The following CORIN variants were observed in gnomAD, a reference collection of about 807,000 sequenced individuals.
CORIN encodes the protein corin, serine peptidase.
A neutral mutation model predicts 125.3 loss-of-function variants in CORIN; 117 were observed. The observed-to-expected ratio is 0.93, with a 90% CI of 0.80 to 1.09. The LOEUF (loss-of-function observed/expected upper bound fraction) is 1.09, where lower values mean the gene tolerates loss of function less well. Ranked by LOEUF, CORIN falls within the 50% of genes least tolerant of loss-of-function variation. CORIN has a pLI of 0.00. For missense variants in CORIN, 1,253 were observed against 1,306.7 expected (o/e 0.96, Z 0.63); for synonymous variants, 450 against 466.4 (o/e 0.96, Z 0.45).
intron 13 of CORIN, among the ~76,000 whole-genome samples, chr4:47,647,169 G>A (rs868235098): frequency 1.1e-4 from 16 of 152,218 alleles, no homozygotes; most frequent in Middle Eastern, 3.4e-3. Flanking sequence ...GACAATAAGA[G>A]TCTCTTGAGA....
intron 10 of CORIN, among the ~76,000 whole-genome samples, chr4:47,670,608 G>A (rs1724706377): frequency 6.6e-6 from 1 of 152,226 alleles, no homozygotes; most frequent in South Asian, 2.1e-4. Flanking sequence ...CGAACACTGT[G>A]GGAGGCTTGA....
At chr4:47,628,437 C>CGTGTGTGTGTGTGT (rs35452886) in intron 16 of CORIN, among the ~76,000 whole-genome samples, 1 of 147,388 alleles carries the variant, frequency 6.8e-6, no homozygotes, top group Non-Finnish European at 1.5e-5. Context: ...CACATAGTTA[C>CGTGTGTGTGTGTGT]GTGTGTGTGT....
At chr4:47,764,700 A>G (rs1230482899) in intron 3 of CORIN, among the ~76,000 whole-genome samples, 1 of 152,194 alleles carries the variant, frequency 6.6e-6, no homozygotes, top group African/African-American at 2.4e-5. Context: ...CATTACTTAG[A>G]GCTAATGTAG....
intron 1 of CORIN, among the ~76,000 whole-genome samples, chr4:47,835,965 A>C (rs1362684377): frequency 6.6e-6 from 1 of 152,210 alleles, no homozygotes; most frequent in Admixed American, 6.5e-5. Flanking sequence ...TGGTCCTGTA[A>C]GCCTACCCTG....
At chr4:47,672,067 T>C (rs927125540) in intron 10 of CORIN, among the ~76,000 whole-genome samples, 3 of 152,190 alleles carry the variant, frequency 2.0e-5, no homozygotes. Flanking sequence ...ACTGAGTGTA[T>C]TTAAAGAGCT....
chr4:47,772,363 A>G (rs1730086460), intron 3 of CORIN, among the ~76,000 whole-genome samples: 2 of 152,176 alleles, frequency 1.3e-5, no homozygotes, highest in Admixed American at 6.5e-5. Context: ...AAGGTAGCGG[A>G]TTTCTTTGTA....
chr4:47,678,088 A>G, intron 8 of CORIN, 34 bp from the exon 9 acceptor site: 1 of 1,426,222 alleles, frequency 7.0e-7, no homozygotes. Flanking sequence ...CACTTTATTT[A>G]TTAATTCTTC....
intron 5 of CORIN, among the ~76,000 whole-genome samples, chr4:47,731,457 G>A (rs1057251585): frequency 1.3e-5 from 2 of 152,186 alleles, no homozygotes; most frequent in Non-Finnish European, 2.9e-5. Context: ...AGGCACTCCA[G>A]TGTCTACAGG....
At position 47,763,463 on chromosome 4, in the gene CORIN, A is replaced by G; in HGVS notation, c.533T>C (p.Leu178Pro). 1.2e-6 allele frequency: 2 copies of G among 1,614,136 alleles called. No individual in the cohort carries two copies. Among genetic ancestry groups the G allele is most frequent in the Non-Finnish European group, 1.7e-6 (2 of 1,180,004 alleles). The change falls in exon 4 of 22, where the codon CTC (leucine) becomes CCC (proline). Residue 178 changes from leucine (L) to proline (P), a missense_variant. By Grantham distance (98) the Leu-to-Pro change is moderately conservative (BLOSUM62 -3). Coordinates refer to ENST00000273857, the MANE Select transcript of CORIN (RefSeq NM_006587.4). ...MEKFLKFFTY[L>P]HRLSCYQHIM... ...ATGTTGATAGCAACTGAGGCGATGG[A>G]GATATGTGAAAAACTTGAGGAACTT...
chr4:47,762,741 G>A (rs1729526531), intron 4 of CORIN, among the ~76,000 whole-genome samples: 1 of 152,162 alleles, frequency 6.6e-6, no homozygotes, highest in Non-Finnish European at 1.5e-5. Flanking sequence ...ATGCACCCTT[G>A]TCCTCTGGTT....
chr4:47,823,620 A>G (rs900367700), intron 1 of CORIN, among the ~76,000 whole-genome samples: 2 of 152,200 alleles, frequency 1.3e-5, no homozygotes, highest in South Asian at 4.1e-4. Flanking sequence ...ATTTATACAC[A>G]TATCTCCAGT....
intron 19 of CORIN, among the ~76,000 whole-genome samples, chr4:47,620,931 T>A (rs1294880055): frequency 1.3e-5 from 2 of 152,132 alleles, no homozygotes; most frequent in East Asian, 1.9e-4. Context: ...AGGCAAAAAA[T>A]GAAATTGCAT....
intron 19 of CORIN, among the ~76,000 whole-genome samples, chr4:47,607,365 G>A (rs1006827678): frequency 2.0e-5 from 3 of 151,186 alleles, no homozygotes; most frequent in Non-Finnish European, 4.4e-5. Flanking sequence ...CCCAGATCGC[G>A]CCACTGCACT....
intron 19 of CORIN, among the ~76,000 whole-genome samples, chr4:47,605,355 C>T (rs1184386748): frequency 6.6e-6 from 1 of 152,072 alleles, no homozygotes; most frequent in East Asian, 1.9e-4. Flanking sequence ...ACAGTAGGTC[C>T]TCAACAAGTA....
At chr4:47,714,383 A>C (rs1036530523) in intron 5 of CORIN, among the ~76,000 whole-genome samples, 1 of 152,204 alleles carries the variant, frequency 6.6e-6, no homozygotes, top group Non-Finnish European at 1.5e-5. Flanking sequence ...AGATTTCTGG[A>C]ATTTTACAGC....
At chr4:47,825,557 G>A (rs906095848) in intron 1 of CORIN, among the ~76,000 whole-genome samples, 4 of 151,964 alleles carry the variant, frequency 2.6e-5, no homozygotes, top group Admixed American at 6.6e-5. Context: ...AGATAAAGAC[G>A]TAAGAGTAAC....
At chr4:47,679,298 A>G (rs1032240512) in intron 8 of CORIN, among the ~76,000 whole-genome samples, 3 of 152,150 alleles carry the variant, frequency 2.0e-5, no homozygotes, top group South Asian at 2.1e-4. Flanking sequence ...AAGTATAACA[A>G]CTGTCTGAAG....
At chr4:47,596,622 C>T (rs555088083) in intron 21 of CORIN, among the ~76,000 whole-genome samples, 2 of 152,236 alleles carry the variant, frequency 1.3e-5, no homozygotes, top group South Asian at 4.1e-4. Context: ...GATAGCAATA[C>T]TTGCTACATC....
chr4:47,723,767 G>C (rs1247695266), intron 5 of CORIN, among the ~76,000 whole-genome samples: 1 of 151,854 alleles, frequency 6.6e-6, no homozygotes, highest in Non-Finnish European at 1.5e-5. Flanking sequence ...GGGAGGCCGA[G>C]GTCAGGATCA....
Sources: gnomAD v4.1 joint callset for allele counts (sites outside exome capture counted in the v4.1 genomes callset) on GRCh38, gnomAD v4.1.1 for gene constraint, MANE v1.5 for transcripts, NCBI Gene and HGNC (gene_info 2026-07-23, HGNC 2026-07-21) for gene names.